Variants in GON4L observed in about 807,000 individuals in gnomAD.
The protein encoded by GON4L is GON-4-like protein.
GON4L carries 87 observed loss-of-function variants against 211.8 expected under a neutral mutation model. That is an observed-to-expected ratio of 0.41 (90% CI 0.35 to 0.49). The LOEUF is 0.49. Among genes scored for constraint, GON4L ranks in the 20% least tolerant of loss-of-function variants. GON4L has a pLI of 0.15. For missense variants in GON4L, 2,155 were observed against 2,659.5 expected (o/e 0.81, Z 4.17); for synonymous variants, 875 against 962.6 (o/e 0.91, Z 1.68).
At chr1:155,767,663 A>G in intron 19 of GON4L, 122 bp from the exon 20 acceptor site, 2 of 1,511,330 alleles carry the variant, frequency 1.3e-6, no homozygotes, top group Non-Finnish European at 9.1e-7. Flanking sequence ...ACACACACAC[A>G]AGACCACATA....
At chr1:155,748,699 C>T (rs566969217), downstream of GON4L, 348 of 1,613,822 alleles carry the variant, frequency 2.2e-4, no homozygotes, top group Non-Finnish European at 2.8e-4. Context: ...ACCCCATGGA[C>T]CCCACTGTCT....
intron 21 of GON4L, 48 bp from the exon 22 acceptor site, chr1:155,763,612 G>A: frequency 2.1e-6 from 3 of 1,457,950 alleles, no homozygotes; most frequent in Non-Finnish European, 2.7e-6. Context: ...AGTGGCTCAT[G>A]AATTGCAAAC....
At chr1:155,799,925 G>A (rs1221080480) in intron 11 of GON4L, among the ~76,000 whole-genome samples, 2 of 152,240 alleles carry the variant, frequency 1.3e-5, no homozygotes, top group Admixed American at 6.5e-5. Flanking sequence ...TGAAGGCTAG[G>A]AGCAGTGGCT....
chr1:155,847,354 G>T (rs1671343395), intron 2 of GON4L, among the ~76,000 whole-genome samples: 2 of 152,134 alleles, frequency 1.3e-5, no homozygotes, highest in Non-Finnish European at 2.9e-5. Flanking sequence ...ATGATCACCT[G>T]AGGTCAGGAG....
At chr1:155,831,569 AG>A (rs1442939302) in intron 2 of GON4L, 1 of 152,062 alleles carries the variant, frequency 6.6e-6, no homozygotes, top group African/African-American at 2.4e-5. Flanking sequence ...CTGAAGCAGC[AG>A]GATCATTTAA....
intron 19 of GON4L, among the ~76,000 whole-genome samples, chr1:155,768,309 CAA>C (rs71080724): frequency 3.6e-5 from 4 of 112,638 alleles, no homozygotes; most frequent in Admixed American, 1.0e-4. Context: ...GACTCCGTCT[CAA>C]AAAAAAAAAA....
chr1:155,794,268 C>T (rs1188601380), intron 12 of GON4L, among the ~76,000 whole-genome samples: 3 of 152,060 alleles, frequency 2.0e-5, no homozygotes, highest in South Asian at 2.1e-4. Flanking sequence ...GACAGGGTTT[C>T]GCCATGTTGG....
intron 21 of GON4L, chr1:155,764,660 G>C (rs1168911450): frequency 1.7e-6 from 1 of 586,372 alleles, no homozygotes; most frequent in Non-Finnish European, 3.0e-6. Flanking sequence ...AGGCCAGTCT[G>C]AAACTCCTGG....
intron 11 of GON4L, among the ~76,000 whole-genome samples, chr1:155,802,832 T>C (rs1666803301): frequency 6.6e-6 from 1 of 152,144 alleles, no homozygotes; most frequent in Admixed American, 6.6e-5. Flanking sequence ...GGCACAAACC[T>C]GTATTCCCAG....
intron 1 of GON4L, among the ~76,000 whole-genome samples, chr1:155,854,154 TTTTG>T (rs1672061451): frequency 6.6e-6 from 1 of 152,122 alleles, no homozygotes; most frequent in South Asian, 2.1e-4. Flanking sequence ...GTTTTTTTGT[TTTTG>T]TTTTTGTTTT....
chr1:155,851,651 G>A (rs1449833504), intron 2 of GON4L, among the ~76,000 whole-genome samples: 3 of 151,914 alleles, frequency 2.0e-5, no homozygotes, highest in Non-Finnish European at 4.4e-5. Flanking sequence ...GGGAGGTGGA[G>A]GTTGCAGTGA....
Position 155,856,562 on chromosome 1 carries a change from GT to G in GON4L, c.-27+584del. ...ACAGTTAGTTTTAAACCTCCCTTCTGTTTCTCCAAGACATTAGGGGAGATTC... is the reference window on the plus strand; with the variant it reads ...ACAGTTAGTTTTAAACCTCCCTTCTGTTCTCCAAGACATTAGGGGAGATTC... On this transcript the variant is annotated intron_variant, in intron 1 of 31. Transcript: ENST00000368331. 3.9e-5 allele frequency among the ~76,000 whole-genome samples: 6 copies of G among 152,162 alleles called. 2 individuals are homozygous for G. The highest frequency in any genetic ancestry group is 3.9e-4 in the Admixed American group (6 of 15,266).
At chr1:155,794,514 T>C (rs1183500988) in intron 12 of GON4L, among the ~76,000 whole-genome samples, 1 of 152,218 alleles carries the variant, frequency 6.6e-6, no homozygotes, top group Non-Finnish European at 1.5e-5. Flanking sequence ...TGTTTTACAA[T>C]TCTGTGGTTT....
chr1:155,788,946 C>T (rs576668258), intron 12 of GON4L, among the ~76,000 whole-genome samples: 11 of 151,736 alleles, frequency 7.2e-5, no homozygotes, highest in African/African-American at 2.2e-4. Context: ...AAAAATTAGC[C>T]GGGCATGGTA....
At chr1:155,785,519 A>AT in intron 12 of GON4L, 145 bp from the exon 13 acceptor site, 5 of 708,208 alleles carry the variant, frequency 7.1e-6, no homozygotes, top group Non-Finnish European at 1.3e-5. Flanking sequence ...GGGTCTCACT[A>AT]TGTCACTCAG....
intron 14 of GON4L, among the ~76,000 whole-genome samples, chr1:155,778,749 CCT>C (rs1664091698): frequency 1.3e-5 from 2 of 152,112 alleles, no homozygotes; most frequent in African/African-American, 4.8e-5. Flanking sequence ...TGTTCCCCAC[CCT>C]GTGCCCATGT....
In GON4L at chr1:155,750,101, C is replaced by T; in HGVS notation, c.*483G>A. ...TGCTGCAGGAGCTACAAAGCCTGGCCCAGTGCTACCAGGGTGGTGACAGCC... is the reference window on the plus strand; with the variant it reads ...TGCTGCAGGAGCTACAAAGCCTGGCTCAGTGCTACCAGGGTGGTGACAGCC... On this transcript the variant is annotated 3_prime_UTR_variant, in exon 32 of 32. Transcript: ENST00000368331. 1 of 807,196 alleles carries T rather than the reference C, an allele frequency of 1.2e-6. No individual in the cohort carries two copies. Among genetic ancestry groups the T allele is most frequent in the Non-Finnish European group, 1.9e-6 (1 of 519,080 alleles). 50.0% of individuals were successfully genotyped at this position (807,196 alleles called of 1,614,324 possible).
intron 10 of GON4L, among the ~76,000 whole-genome samples, chr1:155,808,377 C>T (rs146156302): frequency 3.2e-4 from 48 of 152,270 alleles, no homozygotes; most frequent in African/African-American, 1.1e-3. Flanking sequence ...CACCCCTTAT[C>T]ATGGTTTCCT....
At chr1:155,835,025 T>C (rs1369527937) in intron 2 of GON4L, among the ~76,000 whole-genome samples, 2 of 152,170 alleles carry the variant, frequency 1.3e-5, no homozygotes, top group East Asian at 3.9e-4. Context: ...GGCGGTTTTG[T>C]GTAATACAAA....
Sources: allele counts gnomAD v4.1 joint callset (sites outside exome capture counted in the v4.1 genomes callset), GRCh38; gene constraint gnomAD v4.1.1; transcripts MANE v1.5; gene names NCBI Gene and HGNC (gene_info 2026-07-23, HGNC 2026-07-21).